CTDSPL: variants seen among roughly 807,000 people sequenced by gnomAD.
CTDSPL encodes CTD small phosphatase like, also known as CTD small phosphatase-like protein.
In CTDSPL, 8 loss-of-function variants were observed where a neutral mutation model predicts 30.5. The observed-to-expected ratio is 0.26, with a 90% confidence interval of 0.15 to 0.47. The LOEUF is 0.47. CTDSPL is among the 20% of genes least tolerant of loss of function. The probability of loss-of-function intolerance (pLI) is 0.99; values close to 1 mark genes in which losing one functional copy is unlikely to be tolerated. For missense variants in CTDSPL, 248 were observed against 366.1 expected, an observed-to-expected ratio of 0.68 and a Z score of 2.63; for synonymous variants, 110 against 137.9, an observed-to-expected ratio of 0.80 and a Z score of 1.42.
At chr3:37,891,819 A>T (rs887273079) in intron 1 of CTDSPL, among the ~76,000 whole-genome samples, 4 of 152,180 alleles carry the variant, frequency 2.6e-5, no homozygotes, top group African/African-American at 9.6e-5. Flanking sequence ...TGGTCCATAG[A>T]GAATAAGGAT....
intron 6 of CTDSPL, among the ~76,000 whole-genome samples, chr3:37,972,236 CCTGTAATCCCAACA>C (rs1159177103): frequency 2.6e-5 from 4 of 152,160 alleles, no homozygotes; most frequent in African/African-American, 9.7e-5. Flanking sequence ...GTTGCTCATG[CCTGTAATCCCAACA>C]CTTTGGGAGG....
chr3:37,917,323 G>T (rs148470715), intron 1 of CTDSPL, among the ~76,000 whole-genome samples: 7 of 152,270 alleles, frequency 4.6e-5, no homozygotes, highest in African/African-American at 1.7e-4. Context: ...ATTTAGCAGG[G>T]TATGAATAAT....
At chr3:37,864,722 T>C (rs1323710532) in intron 1 of CTDSPL, among the ~76,000 whole-genome samples, 2 of 152,168 alleles carry the variant, frequency 1.3e-5, no homozygotes, top group Non-Finnish European at 2.9e-5. Flanking sequence ...CATAAAATTA[T>C]GTAAAATACA....
At chr3:37,911,888 G>A (rs1698587622) in intron 1 of CTDSPL, 2 of 317,232 alleles carry the variant, frequency 6.3e-6, no homozygotes, top group African/African-American at 2.2e-5. Flanking sequence ...GTGAAAGCTC[G>A]TCTCTACTAA....
At chr3:37,883,620 T>C (rs1038933591) in intron 1 of CTDSPL, among the ~76,000 whole-genome samples, 1 of 152,246 alleles carries the variant, frequency 6.6e-6, no homozygotes, top group African/African-American at 2.4e-5. Context: ...CTCAAACAGG[T>C]TGAGGAATTT....
chr3:37,945,167 G>A (rs1231227444), intron 1 of CTDSPL, among the ~76,000 whole-genome samples: 1 of 150,098 alleles, frequency 6.7e-6, no homozygotes, highest in Non-Finnish European at 1.5e-5. Context: ...AATTATCTGG[G>A]TGTGGCATAA....
chr3:37,965,628 G>A (rs1412514111), intron 4 of CTDSPL, among the ~76,000 whole-genome samples: 2 of 152,106 alleles, frequency 1.3e-5, no homozygotes, highest in Non-Finnish European at 2.9e-5. Context: ...TCCATGATGG[G>A]GCATGTGTCT....
chr3:37,886,252 C>A (rs1313842016), intron 1 of CTDSPL, among the ~76,000 whole-genome samples: 1 of 152,128 alleles, frequency 6.6e-6, no homozygotes, highest in East Asian at 1.9e-4. Context: ...TGCCTGTAAC[C>A]TAGAACCATC....
intron 5 of CTDSPL, 130 bp from the exon 6 acceptor site, chr3:37,971,277 T>A: frequency 6.7e-6 from 5 of 743,970 alleles, no homozygotes; most frequent in Non-Finnish European, 1.1e-5. Flanking sequence ...GGCCTCTGCC[T>A]GCTATGCATA....
At chr3:37,891,773 C>T (rs1469867306) in intron 1 of CTDSPL, among the ~76,000 whole-genome samples, 1 of 152,160 alleles carries the variant, frequency 6.6e-6, no homozygotes, top group Non-Finnish European at 1.5e-5. Context: ...CCATCCCTCA[C>T]CCTAATTCTA....
intron 2 of CTDSPL, among the ~76,000 whole-genome samples, chr3:37,947,537 G>C (rs1699054183): frequency 6.6e-6 from 1 of 152,144 alleles, no homozygotes; most frequent in Non-Finnish European, 1.5e-5. Flanking sequence ...TCTAGCCTGG[G>C]CAATAAGAGC....
At chr3:37,920,295 C>T (rs1194021460) in intron 1 of CTDSPL, among the ~76,000 whole-genome samples, 1 of 152,232 alleles carries the variant, frequency 6.6e-6, no homozygotes, top group Non-Finnish European at 1.5e-5. Flanking sequence ...ACCTTCCTTT[C>T]AGCAGATGGA....
chr3:37,885,997 G>A (rs552964153), intron 1 of CTDSPL, among the ~76,000 whole-genome samples: 13 of 152,272 alleles, frequency 8.5e-5, no homozygotes, highest in African/African-American at 3.1e-4. Context: ...CAGTTGACAT[G>A]TTCCTCCCCT....
intron 1 of CTDSPL, among the ~76,000 whole-genome samples, chr3:37,926,560 G>A (rs1422641217): frequency 6.6e-6 from 1 of 152,178 alleles, no homozygotes; most frequent in East Asian, 1.9e-4. Context: ...TGGTTTGAGA[G>A]CAGACTGTAG....
At chr3:37,901,450 CCCTT>C (rs1372058642) in intron 1 of CTDSPL, among the ~76,000 whole-genome samples, 2 of 152,216 alleles carry the variant, frequency 1.3e-5, no homozygotes, top group East Asian at 3.8e-4. Flanking sequence ...TCCTCATTCT[CCCTT>C]CCTCAGAAAC....
chr3:37,976,395 T>C (rs1468328463), intron 7 of CTDSPL, among the ~76,000 whole-genome samples: 4 of 152,008 alleles, frequency 2.6e-5, no homozygotes, highest in Admixed American at 2.6e-4. Flanking sequence ...CCCAACCCTT[T>C]GGGAGGCCGA....
At chr3:37,967,765 AAAATTTCCAG>A in intron 4 of CTDSPL, 51 bp from the exon 5 acceptor site, 1 of 1,306,484 alleles carries the variant, frequency 7.7e-7, no homozygotes, top group Non-Finnish European at 1.1e-6. Flanking sequence ...TTTTCTTGCT[AAAATTTCCAG>A]AGTTTTTTTG....
chr3:37,964,428 T>G, intron 3 of CTDSPL, 143 bp from the exon 4 acceptor site: 1 of 542,038 alleles, frequency 1.8e-6, no homozygotes. Flanking sequence ...AAACTTTAGT[T>G]GCAAACTACT....
At chr3:37,897,690 A>C (rs927077424) in intron 1 of CTDSPL, among the ~76,000 whole-genome samples, 2 of 152,168 alleles carry the variant, frequency 1.3e-5, no homozygotes, top group African/African-American at 4.8e-5. Flanking sequence ...GCTTGTGTGA[A>C]GAGTGAAGGC....
Sources: gnomAD v4.1 joint callset for allele counts (sites outside exome capture counted in the v4.1 genomes callset) on GRCh38, gnomAD v4.1.1 for gene constraint, MANE v1.5 for transcripts, NCBI Gene and HGNC (gene_info 2026-07-23, HGNC 2026-07-21) for gene names.